The following PCIF1 variants were observed in gnomAD, a reference collection of about 807,000 sequenced individuals.
The protein encoded by PCIF1 is phosphorylated CTD interacting factor 1, also known as mRNA (2'-O-methyladenosine-N(6)-)-methyltransferase.
Under a neutral mutation model 86.9 loss-of-function variants are expected in PCIF1, and 12 were observed. The ratio of observed to expected loss-of-function variants is 0.14; its 90% CI spans 0.09 to 0.22. The LOEUF is 0.22. Among genes scored for constraint, PCIF1 ranks in the 10% least tolerant of loss-of-function variants. PCIF1 has a pLI of 1.00. For missense variants in PCIF1, 701 were observed against 951.1 expected, an observed-to-expected ratio of 0.74 and a Z score of 3.46; for synonymous variants, 397 against 372.0, an observed-to-expected ratio of 1.07 and a Z score of -0.77.
Position 45,943,170 on chromosome 20 carries a change from CCT to C in PCIF1, c.748_749del (p.Leu250ValfsTer6). Reference sequence around the variant, plus strand: ...AGGTGGTAGACAAAGGATCTGACCCCCTGTTGCCCAGCAACTGTGAACCAGTC... The same window carrying C: ...AGGTGGTAGACAAAGGATCTGACCCCGTTGCCCAGCAACTGTGAACCAGTC... ...RKVVDKGSDPLLPSNCEPVVS... is the reference protein window; with the variant it reads ...RKVVDKGSDPXLPSNCEPVVS... On this transcript the variant is annotated frameshift_variant, in exon 8 of 17. Transcript: ENST00000372409. LOFTEE classifies it high-confidence loss of function. This position sits in a 1 kb window ranked among gnomAD's most constrained non-coding sequence, Gnocchi z 5.5. 1 of 1,614,122 alleles carries C rather than the reference CCT, an allele frequency of 6.2e-7. No homozygotes were observed. The highest frequency in any genetic ancestry group is 1.1e-5 in the South Asian group (1 of 91,082).
chr20:45,938,940 G>T (rs2022908524), intron 2 of PCIF1, 41 bp from the exon 3 acceptor site: 2 of 1,603,982 alleles, frequency 1.2e-6, no homozygotes, highest in African/African-American at 2.7e-5. Flanking sequence ...ATTGGCGGGT[G>T]AGGGGGTGGA....
chr20:45,939,146 G>A, intron 3 of PCIF1, 23 bp downstream of exon 3: 1 of 1,614,074 alleles, frequency 6.2e-7, no homozygotes, highest in Non-Finnish European at 8.5e-7. Flanking sequence ...AGCAGTAGTG[G>A]GGTGGTGGGG....
chr20:45,937,303 C>T (rs1234538725), intron 1 of PCIF1, 115 bp from the exon 2 acceptor site: 1 of 397,908 alleles, frequency 2.5e-6, no homozygotes, highest in East Asian at 3.6e-5. Context: ...CCCTCATCCC[C>T]TCTCCCGGTG....
In PCIF1 at chr20:45,944,963, C is replaced by T. The variant is rs745874654; in HGVS notation, c.1101C>T (p.Ile367=). The T allele has an allele frequency of 1.1e-5, 17 of 1,614,062 alleles. No individual in the cohort carries two copies. Among genetic ancestry groups the T allele is most frequent in the African/African-American group, 2.7e-5 (2 of 74,956 alleles). The change falls in exon 11 of 17, where the codon ATC becomes ATT. Residue 367 remains isoleucine (I), a synonymous_variant. Coordinates refer to ENST00000372409, the MANE Select transcript of PCIF1 (RefSeq NM_022104.4). ...VEGICSKIYH[I]SLEYVKRIRE... Reference sequence around the variant, plus strand: ...GCATCTGCAGTAAGATCTACCACATCTCCCTGGAGTACGTCAAACGGATCC... The same window carrying T: ...GCATCTGCAGTAAGATCTACCACATTTCCCTGGAGTACGTCAAACGGATCC...
rs1208631313 is a variant in PCIF1 at position 45,943,771 on chromosome 20, T to C, written c.1005+6T>C. The C allele has an allele frequency of 4.5e-6, 7 of 1,551,750 alleles. No homozygotes were observed. In the Admixed American group the frequency reaches 1.4e-4, roughly 30 times the overall value. On this transcript the variant is annotated splice_donor_region_variant and intron_variant, in intron 10 of 16. Coordinates refer to ENST00000372409, the MANE Select transcript of PCIF1 (RefSeq NM_022104.4). This position sits in a 1 kb window ranked among gnomAD's most constrained non-coding sequence, Gnocchi z 5.5. Reference sequence around the variant, plus strand: ...CCTCCAAGGAGGACTACATGGTGAGTGGGTCCCCGGGTGAGAAGGCCAGTT... The same window carrying C: ...CCTCCAAGGAGGACTACATGGTGAGCGGGTCCCCGGGTGAGAAGGCCAGTT...
At chr20:45,940,393 G>T in intron 4 of PCIF1, 82 bp from the exon 5 acceptor site, 1 of 1,457,866 alleles carries the variant, frequency 6.9e-7, no homozygotes. Context: ...AGGAGCAGGG[G>T]TGGGAGGGCG....
chr20:45,943,042 C>T lies in PCIF1; in HGVS notation c.674-55C>T, dbSNP rs1365473159. 5 of 1,569,164 alleles carry T rather than the reference C, an allele frequency of 3.2e-6. No homozygotes were observed. The highest frequency in any genetic ancestry group is 4.4e-6 in the Non-Finnish European group (5 of 1,147,418). On this transcript the variant is annotated intron_variant, in intron 7 of 16. Transcript: ENST00000372409. This position sits in a 1 kb window ranked among gnomAD's most constrained non-coding sequence, Gnocchi z 5.5. Reference sequence around the variant, plus strand: ...CGATGCTTCCTATACGTGCCAAGCTCCAAGTGGGACTGCTTGATTAAATCC... The same window carrying T: ...CGATGCTTCCTATACGTGCCAAGCTTCAAGTGGGACTGCTTGATTAAATCC...
Position 45,946,183 on chromosome 20 carries a change from C to T in PCIF1, c.1429-17C>T, listed in dbSNP as rs375194343. 2.4e-5 allele frequency: 39 copies of T among 1,614,040 alleles called. No homozygotes were observed. The highest frequency in any genetic ancestry group is 2.9e-5 in the Non-Finnish European group (34 of 1,180,032). ...AGGGAGGGTGAGCCCCAGGTGCTGACGGTGGCCACTCCGCAGATGATGTTC... is the reference window on the plus strand; with the variant it reads ...AGGGAGGGTGAGCCCCAGGTGCTGATGGTGGCCACTCCGCAGATGATGTTC... On this transcript the variant is annotated splice_polypyrimidine_tract_variant and intron_variant, in intron 13 of 16. Coordinates refer to ENST00000372409, the MANE Select transcript of PCIF1 (RefSeq NM_022104.4).
intron 10 of PCIF1, 119 bp from the exon 11 acceptor site, chr20:45,944,749 G>A: frequency 9.3e-7 from 1 of 1,074,294 alleles, no homozygotes; most frequent in Non-Finnish European, 1.3e-6. Context: ...CAGCTAGTCA[G>A]CAGCAGAGCT....
intron 3 of PCIF1, 24 bp from the exon 4 acceptor site, chr20:45,939,191 G>C: frequency 6.2e-7 from 1 of 1,613,986 alleles, no homozygotes; most frequent in Non-Finnish European, 8.5e-7. Context: ...CCTGACCCTG[G>C]CTGGGCTCCG....
intron 5 of PCIF1, 77 bp from the exon 6 acceptor site, chr20:45,940,732 C>T: frequency 2.5e-6 from 4 of 1,577,242 alleles, no homozygotes; most frequent in South Asian, 1.2e-5. Flanking sequence ...GGACACAGTT[C>T]ACCAGGTGTG....
chr20:45,936,032 T>C (rs1034542092), intron 1 of PCIF1, among the ~76,000 whole-genome samples: 2 of 152,230 alleles, frequency 1.3e-5, no homozygotes, highest in African/African-American at 4.8e-5. Context: ...ATAATGTGTT[T>C]GCATGTTTTT....
intron 6 of PCIF1, 38 bp downstream of exon 6, chr20:45,940,977 T>C (rs1342476055): frequency 6.2e-7 from 1 of 1,614,038 alleles, no homozygotes; most frequent in Non-Finnish European, 8.5e-7. Context: ...CACCCATTGC[T>C]AATGTCAGCC....
At chr20:45,945,106 G>C in intron 11 of PCIF1, 76 bp downstream of exon 11, 2 of 1,467,642 alleles carry the variant, frequency 1.4e-6, no homozygotes, top group Non-Finnish European at 1.8e-6. Context: ...AAGTGAGACT[G>C]AGCCTCAAGG....
At position 45,941,202 on chromosome 20, in the gene PCIF1, G is replaced by A; in HGVS notation, c.668G>A (p.Arg223Gln). 1 of 1,601,900 alleles carries A rather than the reference G, an allele frequency of 6.2e-7. No homozygotes were observed. The highest frequency in any genetic ancestry group is 8.5e-7 in the Non-Finnish European group (1 of 1,172,754). The change falls in exon 7 of 17, where the codon CGA (arginine) becomes CAA (glutamine). Residue 223 changes from arginine (R) to glutamine (Q), a missense_variant. Around this residue, in one of 7 missense-constraint regions of PCIF1, gnomAD observed 129 missense variants for 245.9 expected, o/e 0.52. Transcript: ENST00000372409. ...CACTATCGGGAGCTGTGCCAGCAGCGAGAGGGTACCTGCCTCTGGGCTGCA... is the reference window on the plus strand; with the variant it reads ...CACTATCGGGAGCTGTGCCAGCAGCAAGAGGGTACCTGCCTCTGGGCTGCA... ...RQHYRELCQQ[R>Q]EGIEPPRESF... is the part of the protein sequence containing the mutation.
rs780918580 is a variant in PCIF1 at position 45,947,095 on chromosome 20, C to G, written c.1636C>G (p.Leu546Val). ...CAGGCCCTGCCTAGACTTTGCTCCA[C>G]TGAGTGGTTCATTTGAGGCCAACCC... ...SRGPCLDFAP[L>V]SGSFEANPPF... Residue 546 changes from leucine to valine, a missense_variant, in exon 15 of 17, where the codon CTG (leucine) becomes GTG (valine). Physicochemically the swap from Leu to Val is conservative, Grantham distance 32. Coordinates refer to ENST00000372409, the MANE Select transcript of PCIF1 (RefSeq NM_022104.4). This position sits in a 1 kb window ranked among gnomAD's most constrained non-coding sequence, Gnocchi z 5.4. 16 of 1,613,186 alleles carry G rather than the reference C, an allele frequency of 9.9e-6. No homozygotes were observed. The Admixed American group carries it at 2.5e-4, about 25-fold the overall frequency.
Position 45,947,749 on chromosome 20 carries a change from C to T in PCIF1, c.2109C>T (p.Pro703=), listed in dbSNP as rs768110445. 5 of 1,598,726 alleles carry T rather than the reference C, an allele frequency of 3.1e-6. No individual in the cohort carries two copies. In the African/African-American group the frequency reaches 5.4e-5, roughly 17 times the overall value. ...REQGPSREPH[P]T ...AGGGTCCTAGCCGCGAGCCTCACCCCACTTAACATATCCTGCGGGGAGGAG... is the reference window on the plus strand; with the variant it reads ...AGGGTCCTAGCCGCGAGCCTCACCCTACTTAACATATCCTGCGGGGAGGAG... The change falls in exon 17 of 17, where the codon CCC becomes CCT. Residue 703 remains proline (P), a synonymous_variant. Transcript: ENST00000372409. This position sits in a 1 kb window ranked among gnomAD's most constrained non-coding sequence, Gnocchi z 5.4.
At position 45,947,549 on chromosome 20, in the gene PCIF1, C is replaced by T; in HGVS notation, c.1909C>T (p.His637Tyr). 2 of 1,613,790 alleles carry T rather than the reference C, an allele frequency of 1.2e-6. No individual in the cohort carries two copies. Among genetic ancestry groups the T allele is most frequent in the South Asian group, 2.2e-5 (2 of 91,088 alleles). ...GGAGGAAATGCACTACAAGGCCGTCCACAACACGGCTGTGCTCTTCCTACA... is the reference window on the plus strand; with the variant it reads ...GGAGGAAATGCACTACAAGGCCGTCTACAACACGGCTGTGCTCTTCCTACA... ...KKEEMHYKAVHNTAVLFLQND... is the reference protein window; with the variant it reads ...KKEEMHYKAVYNTAVLFLQND... Residue 637 changes from histidine (H) to tyrosine (Y), a missense_variant, in exon 17 of 17, where the codon CAC becomes TAC. Physicochemically the swap from His to Tyr is moderately conservative, Grantham distance 83. Transcript: ENST00000372409. The surrounding 1 kb of genome is among the most constrained non-coding windows in gnomAD (Gnocchi z 5.4).
Position 45,937,450 on chromosome 20 carries a change from C to T in PCIF1, c.-155C>T, listed in dbSNP as rs2083436333. On this transcript the variant is annotated 5_prime_UTR_variant, in exon 2 of 17. Coordinates refer to ENST00000372409, the MANE Select transcript of PCIF1 (RefSeq NM_022104.4). Reference sequence around the variant, plus strand: ...TGCAAGGAATCCCCTGGGCTCCCGTCCACTCCACTGCTGACCAGCCCATTC... The same window carrying T: ...TGCAAGGAATCCCCTGGGCTCCCGTTCACTCCACTGCTGACCAGCCCATTC... The T allele has an allele frequency of 2.3e-5, 9 of 399,236 alleles. No individual in the cohort carries two copies. In the East Asian group the frequency reaches 2.8e-4, roughly 13 times the overall value. The allele number at this position is 399,236 out of a possible 1,614,324, so 24.7% of individuals were successfully genotyped here.
Sources: gnomAD v4.1 joint callset for allele counts (sites outside exome capture counted in the v4.1 genomes callset) on GRCh38, gnomAD v4.1.1 for gene constraint, gnomAD v4.1.1 regional missense constraint, Gnocchi (gnomAD v3.1) non-coding constraint, MANE v1.5 for transcripts, NCBI Gene and HGNC (gene_info 2026-07-23, HGNC 2026-07-21) for gene names.